NIPAL2: variants seen among roughly 807,000 people sequenced by gnomAD.
NIPAL2 encodes the protein NIPA-like protein 2.
A neutral mutation model predicts 48.9 loss-of-function variants in NIPAL2; 43 were observed. The observed-to-expected ratio is 0.88, with a 90% CI of 0.69 to 1.13. The LOEUF is 1.13. Ranked by LOEUF, NIPAL2 falls within the 50% of genes most tolerant of loss-of-function variation. NIPAL2 has a pLI of 0.00. For missense variants in NIPAL2, 446 were observed against 461.4 expected (o/e 0.97, Z 0.31); for synonymous variants, 167 against 174.6 (o/e 0.96, Z 0.34).
intron 7 of NIPAL2, 78 bp from the exon 8 acceptor site, chr8:98,203,274 C>T (rs767521532): frequency 6.0e-5 from 62 of 1,034,682 alleles, no homozygotes; most frequent in Non-Finnish European, 8.5e-5. Flanking sequence ...TCAAGAAACA[C>T]GTGTTCTTTA....
intron 1 of NIPAL2, among the ~76,000 whole-genome samples, chr8:98,261,220 C>A (rs1313263704): frequency 2.4e-3 from 368 of 151,166 alleles, no homozygotes; most frequent in African/African-American, 8.6e-3. Flanking sequence ...AAGCAGAGTG[C>A]CTCTCCTCCT....
intron 5 of NIPAL2, among the ~76,000 whole-genome samples, chr8:98,221,597 C>T (rs1046224705): frequency 7.2e-5 from 11 of 152,116 alleles, no homozygotes; most frequent in South Asian, 4.1e-4. Context: ...GCAGAATGTA[C>T]GGTTTTGTTA....
At chr8:98,286,732 C>T (rs1816187114) in intron 1 of NIPAL2, among the ~76,000 whole-genome samples, 1 of 151,022 alleles carries the variant, frequency 6.6e-6, no homozygotes, top group South Asian at 2.1e-4. Context: ...TCACTTGAAC[C>T]CAGGAGGCAG....
intron 4 of NIPAL2, among the ~76,000 whole-genome samples, chr8:98,227,920 T>A (rs1563504244): frequency 1.3e-5 from 2 of 152,198 alleles, no homozygotes; most frequent in Non-Finnish European, 2.9e-5. Flanking sequence ...TTGCCAAAAC[T>A]CAAGTTCACA....
chr8:98,220,660 T>C lies in NIPAL2; in HGVS notation c.558+1819A>G, dbSNP rs560329268. On this transcript the variant is annotated intron_variant, in intron 5 of 10. Coordinates refer to ENST00000430223, the MANE Select transcript of NIPAL2 (RefSeq NM_001321635.2). ...CTGGGCTCGAGTGATTCTCCCACCT[T>C]GGCTTCCTGAAGTGTTGGGTAACAG... 2.0e-5 allele frequency among the ~76,000 whole-genome samples: 3 copies of C among 152,228 alleles called. No individual in the cohort carries two copies. In the East Asian group the frequency reaches 5.8e-4, roughly 29 times the overall value.
intron 1 of NIPAL2, among the ~76,000 whole-genome samples, chr8:98,276,451 TTATC>T (rs1815470457): frequency 6.6e-6 from 1 of 152,198 alleles, no homozygotes; most frequent in Non-Finnish European, 1.5e-5. Flanking sequence ...GTACCACAGT[TTATC>T]TATTCAGCTA....
intron 6 of NIPAL2, among the ~76,000 whole-genome samples, chr8:98,209,445 C>CAAAAAAAAAAAAAAAAAAAAAAAAAAAAA (rs33923448): frequency 1.4e-5 from 1 of 70,512 alleles, no homozygotes; most frequent in African/African-American, 6.2e-5. Flanking sequence ...CCTGTCTCTC[C>CAAAAAAAAAAAAAAAAAAAAAAAAAAAAA]AAAAAAAAAA....
intron 4 of NIPAL2, among the ~76,000 whole-genome samples, chr8:98,231,314 T>C (rs1812428920): frequency 6.6e-6 from 1 of 152,138 alleles, no homozygotes; most frequent in Non-Finnish European, 1.5e-5. Context: ...AGTCAATCTG[T>C]CTTCTCAACC....
intron 4 of NIPAL2, among the ~76,000 whole-genome samples, chr8:98,224,814 AGTGGTG>A (rs1812077510): frequency 7.5e-6 from 1 of 134,102 alleles, no homozygotes; most frequent in African/African-American, 2.8e-5. Flanking sequence ...GCTGGAGTGC[AGTGGTG>A]CAAACTCAGC....
intron 1 of NIPAL2, among the ~76,000 whole-genome samples, chr8:98,259,222 G>A (rs28642811): frequency 0.042 from 6,277 of 150,050 alleles, 426 homozygotes; most frequent in African/African-American, 0.14. Context: ...GACTACAGGC[G>A]CGCGCCACCA....
intron 4 of NIPAL2, among the ~76,000 whole-genome samples, chr8:98,232,946 A>C (rs903027709): frequency 6.6e-6 from 1 of 152,156 alleles, no homozygotes; most frequent in Non-Finnish European, 1.5e-5. Flanking sequence ...ATGTTTAATA[A>C]ATTTTAGCTG....
chr8:98,200,769 A>C lies in NIPAL2; in HGVS notation c.880+2339T>G, dbSNP rs539978311. On this transcript the variant is annotated intron_variant, in intron 8 of 10. Transcript: ENST00000430223. ...TGTACAAAAGTTCCAGTTGATCCAC[A>C]TCCTCACCACCATTTGTTGTTTTTT... 2.1e-3 allele frequency among the ~76,000 whole-genome samples: 317 copies of C among 152,294 alleles called. 1 individual carries two copies. Among genetic ancestry groups the C allele is most frequent in the Non-Finnish European group, 2.8e-3 (189 of 68,030 alleles).
intron 3 of NIPAL2, among the ~76,000 whole-genome samples, chr8:98,245,871 T>C (rs749606450): frequency 1.3e-5 from 2 of 152,242 alleles, no homozygotes; most frequent in Non-Finnish European, 2.9e-5. Flanking sequence ...AGGCTGGTTT[T>C]TGGACAAACA....
At chr8:98,289,437 T>C (rs1816373964) in intron 1 of NIPAL2, among the ~76,000 whole-genome samples, 1 of 152,308 alleles carries the variant, frequency 6.6e-6, no homozygotes, top group Non-Finnish European at 1.5e-5. Context: ...GACTTATTTA[T>C]TGATTTACAA....
chr8:98,261,794 C>T (rs1814352997), intron 1 of NIPAL2, among the ~76,000 whole-genome samples: 1 of 149,612 alleles, frequency 6.7e-6, no homozygotes. Context: ...AAAGATACTC[C>T]TCGAGAAGAG....
At chr8:98,267,711 CT>C (rs1302309800) in intron 1 of NIPAL2, among the ~76,000 whole-genome samples, 1 of 152,026 alleles carries the variant, frequency 6.6e-6, no homozygotes. Context: ...AAGAGCTCAC[CT>C]TATAATATTT....
intron 1 of NIPAL2, among the ~76,000 whole-genome samples, chr8:98,262,228 C>A (rs1157833562): frequency 4.0e-5 from 6 of 151,828 alleles, no homozygotes; most frequent in Non-Finnish European, 7.4e-5. Flanking sequence ...AACTAACGAG[C>A]AAAATAACCA....
intron 5 of NIPAL2, among the ~76,000 whole-genome samples, chr8:98,220,168 T>C (rs1161034581): frequency 6.6e-6 from 1 of 152,112 alleles, no homozygotes; most frequent in African/African-American, 2.4e-5. Flanking sequence ...TCAGAATACA[T>C]ATCAGAAATG....
rs1405063607 is a variant in NIPAL2 at position 98,191,287 on chromosome 8, A to G, written c.*1691T>C. On this transcript the variant is annotated 3_prime_UTR_variant, in exon 11 of 11. Transcript: ENST00000430223. The stretch of plus-strand genomic sequence containing the variant: ...ATCTGTAGTTTAAGGCACCAGATAC[A>G]TTTCTTGGCTGAGCCTTGTAGGACC... 1.3e-5 allele frequency: 2 copies of G among 152,232 alleles called. No individual in the cohort carries two copies. Among genetic ancestry groups the G allele is most frequent in the Admixed American group, 6.5e-5 (1 of 15,288 alleles). The allele number at this position is 152,232 out of a possible 1,614,324, so 9.4% of individuals were successfully genotyped here. A position where few individuals can be genotyped will look rare whatever the true frequency, so the allele number is the denominator to read the frequency against.
Sources: gnomAD v4.1 joint callset for allele counts (sites outside exome capture counted in the v4.1 genomes callset) on GRCh38, gnomAD v4.1.1 for gene constraint, MANE v1.5 for transcripts, NCBI Gene and HGNC (gene_info 2026-07-23, HGNC 2026-07-21) for gene names.